Variants in GPR39 observed in about 807,000 individuals in gnomAD.
GPR39 encodes G protein-coupled receptor 39.
In GPR39, 23 loss-of-function variants were observed where a neutral mutation model predicts 18.4. The ratio of observed to expected loss-of-function variants is 1.25; its 90% CI spans 0.90 to 1.77. The LOEUF (loss-of-function observed/expected upper bound fraction) is 1.77, where lower values mean the gene tolerates loss of function less well. Ranked by LOEUF, GPR39 falls within the 40% of genes most tolerant of loss-of-function variation. GPR39 has a pLI of 0.00. For missense variants in GPR39, 647 were observed against 602.4 expected (o/e 1.07, Z -0.78); for synonymous variants, 280 against 257.9 (o/e 1.09, Z -0.82).
At chr2:132,463,072 C>T (rs1426841427) in intron 1 of GPR39, among the ~76,000 whole-genome samples, 1 of 152,180 alleles carries the variant, frequency 6.6e-6, no homozygotes, top group Admixed American at 6.5e-5. Context: ...TTAAGATCCT[C>T]TGTCGTGCAC....
At chr2:132,424,569 C>T (rs546105648) in intron 1 of GPR39, among the ~76,000 whole-genome samples, 1 of 152,288 alleles carries the variant, frequency 6.6e-6, no homozygotes, top group East Asian at 1.9e-4. Context: ...AACTTCATAT[C>T]TCTCCCTTTA....
chr2:132,645,281 T>A lies in GPR39; in HGVS notation c.1037T>A (p.Val346Glu). Residue 346 changes from valine (V) to glutamate (E), a missense_variant, in exon 2 of 2, where the codon GTG becomes GAG. This residue lies in a region of GPR39 where 581 missense variants were observed against 506.8 expected (regional missense o/e 1.15). Coordinates refer to ENST00000329321, the MANE Select transcript of GPR39 (RefSeq NM_001508.3). ...GTCATCAACCCGCTCCTGTACACGG[T>A]GTCCTCGCAGCAGTTTCGGCGGGTG... is the stretch of plus-strand genomic sequence containing the variant. ...SSVINPLLYT[V>E]SSQQFRRVFV... The A allele has an allele frequency of 6.2e-7, 1 of 1,614,196 alleles. No individual in the cohort carries two copies. Among genetic ancestry groups the A allele is most frequent in the East Asian group, 2.2e-5 (1 of 44,884 alleles).
At chr2:132,530,293 G>A (rs1336024963) in intron 1 of GPR39, among the ~76,000 whole-genome samples, 3 of 152,040 alleles carry the variant, frequency 2.0e-5, no homozygotes, top group Non-Finnish European at 2.9e-5. Context: ...AGAGAGAAGA[G>A]AAGTTTAGAG....
At chr2:132,632,312 T>C (rs4362616) in intron 1 of GPR39, among the ~76,000 whole-genome samples, 40,044 of 151,982 alleles carry the variant, frequency 0.26, 5,367 homozygotes, top group East Asian at 0.36. Context: ...CAGAAAAGTT[T>C]ATTGTGTTTC....
chr2:132,610,880 A>G (rs557151510), intron 1 of GPR39, among the ~76,000 whole-genome samples: 2 of 152,212 alleles, frequency 1.3e-5, no homozygotes, highest in South Asian at 2.1e-4. Flanking sequence ...GCTCCTCTGA[A>G]TCAGCATGCT....
intron 1 of GPR39, among the ~76,000 whole-genome samples, chr2:132,595,272 GATTA>G (rs1573688115): frequency 1.3e-5 from 2 of 152,100 alleles, no homozygotes; most frequent in African/African-American, 2.4e-5. Context: ...AAACCACTGG[GATTA>G]TAGGTGTGAG....
At chr2:132,624,540 A>G (rs527869199) in intron 1 of GPR39, among the ~76,000 whole-genome samples, 1 of 152,346 alleles carries the variant, frequency 6.6e-6, no homozygotes, top group African/African-American at 2.4e-5. Flanking sequence ...ATACTCACAT[A>G]ACCAGATGAC....
At chr2:132,432,536 G>T (rs1196050481) in intron 1 of GPR39, among the ~76,000 whole-genome samples, 1 of 152,130 alleles carries the variant, frequency 6.6e-6, no homozygotes, top group Non-Finnish European at 1.5e-5. Flanking sequence ...CTCTGATAAT[G>T]CAGGATCATC....
intron 1 of GPR39, among the ~76,000 whole-genome samples, chr2:132,626,156 C>T (rs1015026954): frequency 6.6e-6 from 1 of 152,078 alleles, no homozygotes; most frequent in African/African-American, 2.4e-5. Context: ...TGACATCCCC[C>T]AAGGTGACAC....
chr2:132,505,336 G>A (rs4327275), intron 1 of GPR39, among the ~76,000 whole-genome samples: 137,326 of 152,220 alleles, frequency 0.9, 63,598 homozygotes, highest in Non-Finnish European at 1. Flanking sequence ...AGAATGTGTA[G>A]TGATCAAGTC....
intron 1 of GPR39, among the ~76,000 whole-genome samples, chr2:132,581,246 G>A (rs1425524021): frequency 6.6e-6 from 1 of 151,742 alleles, no homozygotes; most frequent in Non-Finnish European, 1.5e-5. Flanking sequence ...AGGCTAGTTA[G>A]CAAGAAACGA....
intron 1 of GPR39, among the ~76,000 whole-genome samples, chr2:132,421,494 A>C (rs1680007902): frequency 1.3e-5 from 2 of 152,338 alleles, no homozygotes; most frequent in Admixed American, 1.3e-4. Context: ...ACATCATAGA[A>C]GATTCATAAC....
chr2:132,598,624 T>C (rs1461691303), intron 1 of GPR39, among the ~76,000 whole-genome samples: 1 of 152,028 alleles, frequency 6.6e-6, no homozygotes, highest in Non-Finnish European at 1.5e-5. Flanking sequence ...GGAAAGGCTA[T>C]GCTGCTCCTT....
chr2:132,590,062 A>C (rs1355281661), intron 1 of GPR39, among the ~76,000 whole-genome samples: 2 of 152,252 alleles, frequency 1.3e-5, no homozygotes, highest in East Asian at 3.8e-4. Context: ...ATATAGTAGA[A>C]TTAAACTTCA....
chr2:132,437,496 C>T (rs1331826637), intron 1 of GPR39, among the ~76,000 whole-genome samples: 2 of 152,106 alleles, frequency 1.3e-5, no homozygotes, highest in African/African-American at 2.4e-5. Context: ...GCTCTGCTCC[C>T]ACGGTGCTAC....
intron 1 of GPR39, among the ~76,000 whole-genome samples, chr2:132,580,988 C>CAA (rs139481939): frequency 1.8e-4 from 25 of 138,084 alleles, no homozygotes; most frequent in Admixed American, 3.6e-4. Flanking sequence ...AAAAAAACAC[C>CAA]AAAAAAAAAC....
At chr2:132,580,224 A>G (rs1288500447) in intron 1 of GPR39, among the ~76,000 whole-genome samples, 1 of 152,234 alleles carries the variant, frequency 6.6e-6, no homozygotes, top group Non-Finnish European at 1.5e-5. Context: ...AATCAAATGG[A>G]TAACTAGTGC....
intron 1 of GPR39, among the ~76,000 whole-genome samples, chr2:132,594,267 T>A (rs765613686): frequency 1.3e-5 from 2 of 152,110 alleles, no homozygotes; most frequent in Non-Finnish European, 2.9e-5. Context: ...ACACCATTCA[T>A]TAAAAGGAAA....
rs544501767 is a variant in GPR39 at position 132,421,278 on chromosome 2, A to T, written c.856+3380A>T. Among the ~76,000 whole-genome samples, 7 of 152,340 alleles carry T rather than the reference A, an allele frequency of 4.6e-5. No homozygotes were observed. In the South Asian group the frequency reaches 1.4e-3, roughly 32 times the overall value. ...ACACTTGTGTGTGTCTATTGCACAC[A>T]TGGCTTGCTATCAAGTGTCACCCAC... On this transcript the variant is annotated intron_variant, in intron 1 of 1. Coordinates refer to ENST00000329321, the MANE Select transcript of GPR39 (RefSeq NM_001508.3).
Sources: gnomAD v4.1 joint callset for allele counts (sites outside exome capture counted in the v4.1 genomes callset) on GRCh38, gnomAD v4.1.1 for gene constraint, gnomAD v4.1.1 regional missense constraint, MANE v1.5 for transcripts, NCBI Gene and HGNC (gene_info 2026-07-23, HGNC 2026-07-21) for gene names.